The following DNMT3A variants were observed in gnomAD, a reference collection of about 807,000 sequenced individuals.
DNMT3A encodes DNA (cytosine-5)-methyltransferase 3A.
A neutral mutation model predicts 117.6 loss-of-function variants in DNMT3A; 267 were observed. That is an observed-to-expected ratio of 2.27 (90% CI 2.05 to 2.51). The LOEUF (loss-of-function observed/expected upper bound fraction) is 2.51, where lower values mean the gene tolerates loss of function less well. Among genes scored for constraint, DNMT3A ranks in the 30% most tolerant of loss-of-function variants. The probability of loss-of-function intolerance (pLI) is 0.00; values close to 1 mark genes in which losing one functional copy is unlikely to be tolerated. For synonymous variants in DNMT3A, 432 were observed against 474.8 expected, an observed-to-expected ratio of 0.91 and a Z score of 1.17; for missense variants, 1,029 against 1,260.2, an observed-to-expected ratio of 0.82 and a Z score of 2.78.
At chr2:25,319,773 CT>C (rs1351746396) in intron 1 of DNMT3A, among the ~76,000 whole-genome samples, 317 of 144,106 alleles carry the variant, frequency 2.2e-3, no homozygotes, top group Middle Eastern at 3.6e-3. Flanking sequence ...TTCTTTCTTT[CT>C]TTTTTTTTTT....
rs1459853680 is a variant in DNMT3A, at chr2:25,240,324, CTCT to C, written c.2297_2299del (p.Lys766del). The C allele has an allele frequency of 6.2e-7, 1 of 1,614,120 alleles. No individual in the cohort carries two copies. The highest frequency in any genetic ancestry group is 8.5e-7 in the Non-Finnish European group (1 of 1,180,054). On this transcript the variant is annotated inframe_deletion, in exon 19 of 23. Coordinates refer to ENST00000321117, the MANE Select transcript of DNMT3A (RefSeq NM_022552.5). Reference sequence around the variant, plus strand: ...TACCTCGAGAAATCGCGAGATGTCCCTCTTGTCACTAACGCCCATGGCCACCAC... The same window carrying C: ...TACCTCGAGAAATCGCGAGATGTCCCTGTCACTAACGCCCATGGCCACCAC...
chr2:25,293,553 A>C lies in DNMT3A; in HGVS notation c.177+6586T>G, dbSNP rs1224921046. Among the ~76,000 whole-genome samples, 3 of 152,124 alleles carry C rather than the reference A, an allele frequency of 2.0e-5. No individual in the cohort carries two copies. The highest frequency in any genetic ancestry group is 4.4e-5 in the Non-Finnish European group (3 of 68,018). On this transcript the variant is annotated intron_variant, in intron 3 of 22. Transcript: ENST00000321117. The surrounding 1 kb of genome is among the most constrained non-coding windows in gnomAD (Gnocchi z 4.7). ...CACCCAGCTGGAGTGCAGTGACACA[A>C]TTATGGCTCACTGCAGCCTCAACCT...
Position 25,247,111 on chromosome 2 carries a change from G to A in DNMT3A, c.1062C>T (p.Phe354=). 6.2e-7 allele frequency: 1 copy of A among 1,614,106 alleles called. No individual in the cohort carries two copies. Among genetic ancestry groups the A allele is most frequent in the Non-Finnish European group, 8.5e-7 (1 of 1,179,998 alleles). Residue 354 remains phenylalanine, a synonymous_variant, in exon 9 of 23, where the codon TTC becomes TTT. Transcript: ENST00000321117. The surrounding 1 kb of genome is among the most constrained non-coding windows in gnomAD (Gnocchi z 5.6). Reference sequence around the variant, plus strand: ...GCTGCTTGTTGTACGTGGCCTGGTGGAACGCACTGCAAAACGAGCTCAGCG... The same window carrying A: ...GCTGCTTGTTGTACGTGGCCTGGTGAAACGCACTGCAAAACGAGCTCAGCG... The part of the protein sequence containing the change: ...LMPLSSFCSA[F]HQATYNKQPM...
At chr2:25,338,508 C>T (rs1408372692) in intron 1 of DNMT3A, among the ~76,000 whole-genome samples, 4 of 152,144 alleles carry the variant, frequency 2.6e-5, no homozygotes, top group Non-Finnish European at 2.9e-5. Flanking sequence ...CGCTGGGCAG[C>T]GGCGCACAGC....
At chr2:25,243,856 T>A (rs1674369622) in intron 16 of DNMT3A, 42 bp downstream of exon 16, 1 of 1,550,172 alleles carries the variant, frequency 6.5e-7, no homozygotes. Context: ...TCCCCCATCC[T>A]GGGACAAGGC....
intron 1 of DNMT3A, among the ~76,000 whole-genome samples, chr2:25,328,952 G>A (rs983062910): frequency 3.6e-4 from 55 of 152,154 alleles, no homozygotes; most frequent in Admixed American, 1.3e-4. Flanking sequence ...ACCGTCCATG[G>A]CCACAGTCCC....
At position 25,298,131 on chromosome 2, in the gene DNMT3A, G is replaced by A. The variant is rs2033205323; in HGVS notation, c.177+2008C>T. 6.6e-6 allele frequency among the ~76,000 whole-genome samples: 1 copy of A among 152,244 alleles called. No homozygotes were observed. The highest frequency in any genetic ancestry group is 2.1e-4 in the South Asian group (1 of 4,836). ...CTTTTCTCCTCTATTTTTAGAAGGG[G>A]AACCTGAGGTTCAGGCAGCAGCAGT... On this transcript the variant is annotated intron_variant, in intron 3 of 22. Coordinates refer to ENST00000321117, the MANE Select transcript of DNMT3A (RefSeq NM_022552.5). The surrounding 1 kb of genome is among the most constrained non-coding windows in gnomAD (Gnocchi z 4.3).
intron 6 of DNMT3A, among the ~76,000 whole-genome samples, chr2:25,253,859 G>A (rs1675880049): frequency 6.6e-6 from 1 of 152,148 alleles, no homozygotes; most frequent in Admixed American, 6.5e-5. Context: ...GGATCATGAG[G>A]TCAGGAGTTT....
chr2:25,294,391 CA>C lies in DNMT3A; in HGVS notation c.177+5747del, dbSNP rs2032962608. Among the ~76,000 whole-genome samples the C allele has an allele frequency of 1.3e-5, 2 of 152,104 alleles. No individual in the cohort carries two copies. Among genetic ancestry groups the C allele is most frequent in the Admixed American group, 6.5e-5 (1 of 15,268 alleles). ...GTCGGCCTGTCTTCCTCATGCCTTC[CA>C]AAACATGAGGAGACAGAGTGGGCAG... On this transcript the variant is annotated intron_variant, in intron 3 of 22. Transcript: ENST00000321117. This position sits in a 1 kb window ranked among gnomAD's most constrained non-coding sequence, Gnocchi z 4.7.
At chr2:25,313,848 A>G in intron 2 of DNMT3A, 65 bp downstream of exon 2, 2 of 1,547,976 alleles carry the variant, frequency 1.3e-6, no homozygotes, top group South Asian at 1.2e-5. Flanking sequence ...GCCGGCTGTC[A>G]TCACATAGGG....
rs1358977048 is a variant in DNMT3A, at chr2:25,304,099, C to G, written c.73-3856G>C. 6.6e-6 allele frequency among the ~76,000 whole-genome samples: 1 copy of G among 152,148 alleles called. No individual in the cohort carries two copies. The highest frequency in any genetic ancestry group is 1.5e-5 in the Non-Finnish European group (1 of 68,018). ...CACAGTTCGCGGGAACAGATTTGAG[C>G]CCAGGTTGGTTTCCTCATCTGTCAA... is the stretch of plus-strand genomic sequence containing the variant. On this transcript the variant is annotated intron_variant, in intron 2 of 22. Coordinates refer to ENST00000321117, the MANE Select transcript of DNMT3A (RefSeq NM_022552.5). This position sits in a 1 kb window ranked among gnomAD's most constrained non-coding sequence, Gnocchi z 4.3.
At position 25,275,553 on chromosome 2, in the gene DNMT3A, G is replaced by A. The variant is rs774175909; in HGVS notation, c.449-10C>T. 4 of 1,569,552 alleles carry A rather than the reference G, an allele frequency of 2.5e-6. No homozygotes were observed. Among genetic ancestry groups the A allele is most frequent in the Non-Finnish European group, 3.4e-6 (4 of 1,165,290 alleles). ...TCCTTCTGTTCTTTGCCTGTGGAGA[G>A]GGAAGAACAAAGGGACCAGTTCGTT... is the stretch of plus-strand genomic sequence containing the variant. On this transcript the variant is annotated splice_polypyrimidine_tract_variant and intron_variant, in intron 4 of 22. Coordinates refer to ENST00000321117, the MANE Select transcript of DNMT3A (RefSeq NM_022552.5).
In DNMT3A at chr2:25,274,933, C is replaced by T. The variant is rs780621349; in HGVS notation, c.639+8G>A. 3.1e-5 allele frequency: 49 copies of T among 1,604,644 alleles called. No individual in the cohort carries two copies. The highest frequency in any genetic ancestry group is 3.9e-5 in the Non-Finnish European group (46 of 1,173,326). ...ACGGGCTGGGGCCCAGGCCAGAAGG[C>T]GCCTCACCTCCCTTTTCCAGCGTGC... On this transcript the variant is annotated splice_region_variant and intron_variant, in intron 6 of 22. Coordinates refer to ENST00000321117, the MANE Select transcript of DNMT3A (RefSeq NM_022552.5).
chr2:25,320,017 G>A (rs528924552), intron 1 of DNMT3A, among the ~76,000 whole-genome samples: 19 of 152,256 alleles, frequency 1.2e-4, no homozygotes, highest in Admixed American at 2.6e-4. Context: ...TGATCCACCC[G>A]CCTCGGCCTC....
intron 2 of DNMT3A, 132 bp from the exon 3 acceptor site, chr2:25,300,375 G>T: frequency 1.9e-6 from 2 of 1,041,978 alleles, no homozygotes; most frequent in Non-Finnish European, 2.7e-6. Flanking sequence ...ACACTTCCAG[G>T]GCTGTGTAAT....
chr2:25,251,397 A>C (rs1388787184), intron 6 of DNMT3A, among the ~76,000 whole-genome samples: 2 of 152,064 alleles, frequency 1.3e-5, no homozygotes, highest in African/African-American at 4.8e-5. Context: ...GGCGGCATTC[A>C]AGAGACACCA....
chr2:25,289,420 G>A (rs2032581078), intron 3 of DNMT3A, among the ~76,000 whole-genome samples: 1 of 152,122 alleles, frequency 6.6e-6, no homozygotes, highest in Non-Finnish European at 1.5e-5. Flanking sequence ...AACTTTGTAG[G>A]CCTCTCCACC....
chr2:25,332,002 C>T (rs902864464), intron 1 of DNMT3A, among the ~76,000 whole-genome samples: 2 of 152,208 alleles, frequency 1.3e-5, no homozygotes, highest in Non-Finnish European at 2.9e-5. Context: ...TTTTATCCCG[C>T]CTGTTCCTAC....
intron 2 of DNMT3A, among the ~76,000 whole-genome samples, chr2:25,301,039 G>C (rs768901476): frequency 1.2e-4 from 18 of 151,546 alleles, no homozygotes; most frequent in Non-Finnish European, 2.4e-4. Flanking sequence ...GGGAGGCTGA[G>C]GCAGGTGGAT....
Sources: allele counts gnomAD v4.1 joint callset (sites outside exome capture counted in the v4.1 genomes callset), GRCh38; gene constraint gnomAD v4.1.1; non-coding constraint Gnocchi (gnomAD v3.1); transcripts MANE v1.5; gene names NCBI Gene and HGNC (gene_info 2026-07-23, HGNC 2026-07-21).